Variants in RIMS1 observed in about 807,000 individuals in gnomAD.
RIMS1 encodes regulating synaptic membrane exocytosis 1, also known as regulating synaptic membrane exocytosis protein 1.
A neutral mutation model predicts 214.1 loss-of-function variants in RIMS1; 83 were observed. The observed-to-expected ratio is 0.39, with a 90% confidence interval of 0.32 to 0.47. The LOEUF (loss-of-function observed/expected upper bound fraction) is 0.47, where lower values mean the gene tolerates loss of function less well. Among genes scored for constraint, RIMS1 ranks in the 20% least tolerant of loss-of-function variants. The pLI is 0.99. For missense variants in RIMS1, 2,050 were observed against 2,161.8 expected (o/e 0.95, Z 1.03); for synonymous variants, 793 against 786.8 (o/e 1.01, Z -0.13).
intron 33 of RIMS1, among the ~76,000 whole-genome samples, chr6:72,400,066 A>G (rs1681612738): frequency 6.6e-6 from 1 of 152,204 alleles, no homozygotes; most frequent in Non-Finnish European, 1.5e-5. Context: ...TTTCTGGTAC[A>G]TACATTCCAT....
chr6:71,986,192 T>C (rs1799899866), intron 2 of RIMS1, among the ~76,000 whole-genome samples: 1 of 13,396 alleles, frequency 7.5e-5, no homozygotes, highest in African/African-American at 2.1e-4. Context: ...TGGGTTTTGT[T>C]TTTTTTTTTT....
chr6:71,999,370 T>C (rs1804427723), intron 2 of RIMS1, among the ~76,000 whole-genome samples: 1 of 152,150 alleles, frequency 6.6e-6, no homozygotes, highest in Non-Finnish European at 1.5e-5. Flanking sequence ...ACTAGTGTTA[T>C]CAATACACAT....
chr6:72,119,012 T>C (rs1166358406), intron 4 of RIMS1, among the ~76,000 whole-genome samples: 2 of 151,602 alleles, frequency 1.3e-5, no homozygotes, highest in African/African-American at 2.4e-5. Context: ...GACATCCAAA[T>C]TGGAAAAGAG....
At chr6:72,145,275 C>A (rs1027757642) in intron 4 of RIMS1, among the ~76,000 whole-genome samples, 2 of 152,140 alleles carry the variant, frequency 1.3e-5, no homozygotes, top group African/African-American at 4.8e-5. Flanking sequence ...AAATTCCTCT[C>A]TTCTTGATGT....
At chr6:72,128,773 T>C (rs1464040656) in intron 4 of RIMS1, among the ~76,000 whole-genome samples, 1 of 152,196 alleles carries the variant, frequency 6.6e-6, no homozygotes, top group Non-Finnish European at 1.5e-5. Flanking sequence ...CACACCACTA[T>C]CATTACTTTT....
chr6:72,348,350 A>G (rs1401483834), intron 29 of RIMS1, among the ~76,000 whole-genome samples: 1 of 151,848 alleles, frequency 6.6e-6, no homozygotes, highest in Non-Finnish European at 1.5e-5. Flanking sequence ...TTTGGTATAC[A>G]TGGTGGTCAT....
At position 72,162,250 on chromosome 6, in the gene RIMS1, C is replaced by A; in HGVS notation, c.472-17325C>A. Among the ~76,000 whole-genome samples the A allele has an allele frequency of 1.4e-5, 2 of 140,384 alleles. 1 individual carries two copies. Among genetic ancestry groups the A allele is most frequent in the Non-Finnish European group, 3.2e-5 (2 of 61,878 alleles). 92.1% of individuals were successfully genotyped at this position (140,384 alleles called of 152,430 possible). Reference sequence around the variant, plus strand: ...TTTTCCATTTGCTTGGTATTTCTTCCTTCATCCCTTTATTTTGAGGCTATG... The same window carrying A: ...TTTTCCATTTGCTTGGTATTTCTTCATTCATCCCTTTATTTTGAGGCTATG... On this transcript the variant is annotated intron_variant, in intron 4 of 33. Transcript: ENST00000521978.
chr6:72,010,194 T>C (rs1479207593), intron 2 of RIMS1, among the ~76,000 whole-genome samples: 2 of 152,178 alleles, frequency 1.3e-5, no homozygotes, highest in South Asian at 2.1e-4. Context: ...TCAATAAACG[T>C]AATCCAGCAT....
At chr6:72,135,198 A>G (rs906110080) in intron 4 of RIMS1, among the ~76,000 whole-genome samples, 1 of 152,174 alleles carries the variant, frequency 6.6e-6, no homozygotes, top group African/African-American at 2.4e-5. Flanking sequence ...AGAAAGCCCA[A>G]AAGAGTTCAT....
intron 2 of RIMS1, among the ~76,000 whole-genome samples, chr6:72,090,840 A>G (rs1368513504): frequency 6.6e-6 from 1 of 152,216 alleles, no homozygotes; most frequent in Non-Finnish European, 1.5e-5. Context: ...CTAGCAAAAC[A>G]TTGAATTTCA....
chr6:72,244,261 T>C (rs1462975900), intron 10 of RIMS1, among the ~76,000 whole-genome samples: 1 of 151,828 alleles, frequency 6.6e-6, no homozygotes, highest in Non-Finnish European at 1.5e-5. Context: ...TTAAAACTAC[T>C]CTACTACCTA....
intron 29 of RIMS1, among the ~76,000 whole-genome samples, chr6:72,347,165 C>G (rs1197160966): frequency 6.6e-6 from 1 of 151,800 alleles, no homozygotes; most frequent in Non-Finnish European, 1.5e-5. Context: ...AGATAAGACT[C>G]TTTATATCTT....
chr6:72,353,833 A>G (rs762033346), intron 29 of RIMS1, among the ~76,000 whole-genome samples: 2 of 152,200 alleles, frequency 1.3e-5, no homozygotes, highest in Non-Finnish European at 2.9e-5. Context: ...AAACAAGCCA[A>G]TGGAATAGGT....
chr6:72,191,388 T>C (rs1428632634), intron 6 of RIMS1, among the ~76,000 whole-genome samples: 1 of 152,252 alleles, frequency 6.6e-6, no homozygotes, highest in Non-Finnish European at 1.5e-5. Flanking sequence ...CCCTGAATTT[T>C]AGTCGAATTT....
At chr6:72,393,806 A>C (rs908266170) in intron 31 of RIMS1, among the ~76,000 whole-genome samples, 2 of 152,142 alleles carry the variant, frequency 1.3e-5, no homozygotes, top group African/African-American at 4.8e-5. Flanking sequence ...AAGCCAGAAG[A>C]CTGTTAGCAT....
chr6:72,339,076 T>G (rs2096950414), intron 29 of RIMS1, among the ~76,000 whole-genome samples: 1 of 151,766 alleles, frequency 6.6e-6, no homozygotes, highest in East Asian at 1.9e-4. Context: ...ATATAAATAT[T>G]TCAGCTCAGA....
chr6:72,301,568 A>G (rs2094606158), intron 26 of RIMS1, among the ~76,000 whole-genome samples: 2 of 151,632 alleles, frequency 1.3e-5, no homozygotes, highest in South Asian at 2.1e-4. Flanking sequence ...TCATTATTCT[A>G]TAAACAATAC....
At chr6:71,966,710 A>T (rs1437927149) in intron 1 of RIMS1, among the ~76,000 whole-genome samples, 1 of 152,036 alleles carries the variant, frequency 6.6e-6, no homozygotes, top group East Asian at 1.9e-4. Context: ...TTTAGTAGAG[A>T]TGGGGTTTCA....
At chr6:72,075,574 C>A (rs1831608480) in intron 2 of RIMS1, among the ~76,000 whole-genome samples, 1 of 152,116 alleles carries the variant, frequency 6.6e-6, no homozygotes, top group African/African-American at 2.4e-5. Flanking sequence ...CATGGACTAT[C>A]ATGTAAAGAG....
Sources: allele counts gnomAD v4.1 joint callset (sites outside exome capture counted in the v4.1 genomes callset), GRCh38; gene constraint gnomAD v4.1.1; transcripts MANE v1.5; gene names NCBI Gene and HGNC (gene_info 2026-07-23, HGNC 2026-07-21).